The following MYO3B variants were observed in gnomAD, a reference collection of about 807,000 sequenced individuals.
The protein encoded by MYO3B is myosin IIIB.
MYO3B carries 156 observed loss-of-function variants against 174.6 expected under a neutral mutation model. The observed-to-expected ratio is 0.89, with a 90% CI of 0.78 to 1.02. MYO3B has a LOEUF of 1.02. Among genes scored for constraint, MYO3B ranks in the 50% least tolerant of loss-of-function variants. The pLI, the probability that MYO3B is intolerant of heterozygous loss-of-function variation, is 0.00. For synonymous variants in MYO3B, 563 were observed against 569.1 expected (o/e 0.99, Z 0.15); for missense variants, 1,632 against 1,639.4 (o/e 1.00, Z 0.08).
intron 23 of MYO3B, 138 bp downstream of exon 23, chr2:170,444,184 T>A (rs1192948302): frequency 1.7e-6 from 1 of 576,794 alleles, no homozygotes; most frequent in East Asian, 3.0e-5. Flanking sequence ...TAAAGGCATT[T>A]AGGAAATCAG....
chr2:170,480,037 G>T (rs2106007991), intron 25 of MYO3B, among the ~76,000 whole-genome samples: 1 of 118,342 alleles, frequency 8.5e-6, no homozygotes, highest in East Asian at 2.0e-4. Flanking sequence ...ATATGTGTGT[G>T]TGTGTATATA....
chr2:170,215,787 C>T (rs1027429484), intron 5 of MYO3B, among the ~76,000 whole-genome samples: 7 of 152,116 alleles, frequency 4.6e-5, no homozygotes, highest in African/African-American at 1.7e-4. Context: ...CAATAATATG[C>T]TGTGTGTATG....
chr2:170,482,680 A>G lies in MYO3B; in HGVS notation c.3015-15912A>G, dbSNP rs79530383. Among the ~76,000 whole-genome samples the G allele has an allele frequency of 8.5e-3, 1,291 of 152,388 alleles. 15 individuals carry two copies. Among genetic ancestry groups the G allele is most frequent in the African/African-American group, 0.028 (1,173 of 41,592 alleles). On this transcript the variant is annotated intron_variant, in intron 25 of 34. Coordinates refer to ENST00000408978, the MANE Select transcript of MYO3B (RefSeq NM_138995.5). ...AAAAAACTTTCTTAAAATGCCTTTT[A>G]CAATATCACTGAAAGACTCTAAGAG...
At chr2:170,554,783 C>T (rs769156366) in intron 32 of MYO3B, among the ~76,000 whole-genome samples, 1 of 152,164 alleles carries the variant, frequency 6.6e-6, no homozygotes, top group Non-Finnish European at 1.5e-5. Context: ...GTGCAGATGC[C>T]AAACAACACA....
chr2:170,434,782 T>C (rs990391747), intron 22 of MYO3B, among the ~76,000 whole-genome samples: 7 of 152,248 alleles, frequency 4.6e-5, no homozygotes, highest in Admixed American at 4.6e-4. Flanking sequence ...CACTTCAGCC[T>C]CCTAAGTAGC....
chr2:170,383,335 G>C, intron 11 of MYO3B, 146 bp downstream of exon 11: 1 of 616,184 alleles, frequency 1.6e-6, no homozygotes. Flanking sequence ...AATACAAATG[G>C]AATTTTTACA....
intron 6 of MYO3B, among the ~76,000 whole-genome samples, chr2:170,231,464 A>C (rs552919654): frequency 2.0e-5 from 3 of 152,324 alleles, no homozygotes; most frequent in African/African-American, 7.2e-5. Flanking sequence ...TTGGGCACTA[A>C]AGCTGCCAGT....
In MYO3B at chr2:170,378,972, C is replaced by T. The variant is rs1448034864; in HGVS notation, c.972-3044C>T. On this transcript the variant is annotated intron_variant, in intron 9 of 34. Coordinates refer to ENST00000408978, the MANE Select transcript of MYO3B (RefSeq NM_138995.5). ...TTTACTTCTCAGAGTCTTAAGATAG[C>T]TGCTCCATGCATTCTGACAAGGGTA... 3.3e-5 allele frequency among the ~76,000 whole-genome samples: 5 copies of T among 152,318 alleles called. No individual in the cohort carries two copies. In the East Asian group the frequency reaches 9.6e-4, roughly 29 times the overall value.
intron 25 of MYO3B, among the ~76,000 whole-genome samples, chr2:170,495,804 A>C (rs975186505): frequency 1.3e-5 from 2 of 152,250 alleles, no homozygotes; most frequent in African/African-American, 4.8e-5. Context: ...AAAGTATAGG[A>C]AATCCTGATT....
intron 3 of MYO3B, among the ~76,000 whole-genome samples, chr2:170,211,510 C>T (rs1033781436): frequency 2.6e-5 from 4 of 151,878 alleles, no homozygotes; most frequent in African/African-American, 7.3e-5. Context: ...TGAGCGTATG[C>T]GGTATTTTCG....
chr2:170,536,653 T>C (rs917059952), intron 30 of MYO3B, among the ~76,000 whole-genome samples: 1 of 152,228 alleles, frequency 6.6e-6, no homozygotes, highest in African/African-American at 2.4e-5. Flanking sequence ...TTTTCCTCTT[T>C]AGAAATCAAG....
rs55790344 is a variant in MYO3B, at chr2:170,370,624, TACACACACACACACACAC to T, written c.971+1281_971+1298del. Among the ~76,000 whole-genome samples, 458 of 129,502 alleles carry T rather than the reference TACACACACACACACACAC, an allele frequency of 3.5e-3. 1 individual carries two copies. Among genetic ancestry groups the T allele is most frequent in the South Asian group, 8.6e-3 (31 of 3,588 alleles). The allele number at this position is 129,502 out of a possible 152,430, so 85.0% of individuals were successfully genotyped here. A position where few individuals can be genotyped will look rare whatever the true frequency, so the allele number is the denominator to read the frequency against. ...CCAGCCACCACCCCTACCACCCACC[TACACACACACACACACAC>T]ACACACACACACACACACACACACA... On this transcript the variant is annotated intron_variant, in intron 9 of 34. Transcript: ENST00000408978.
chr2:170,235,096 C>T (rs1280391499), intron 6 of MYO3B, among the ~76,000 whole-genome samples: 1 of 152,164 alleles, frequency 6.6e-6, no homozygotes, highest in Non-Finnish European at 1.5e-5. Flanking sequence ...CCTGTGCTCA[C>T]CATTATAGGT....
intron 7 of MYO3B, among the ~76,000 whole-genome samples, chr2:170,311,161 T>C (rs1290537209): frequency 6.6e-6 from 1 of 152,144 alleles, no homozygotes; most frequent in Non-Finnish European, 1.5e-5. Context: ...TGCTGGGCGA[T>C]TCTGTGTTTT....
intron 32 of MYO3B, among the ~76,000 whole-genome samples, chr2:170,649,466 AT>A (rs112249026): frequency 1.5e-5 from 2 of 131,550 alleles, no homozygotes; most frequent in African/African-American, 5.8e-5. Context: ...TATAATACAT[AT>A]TTTTTTCATC....
chr2:170,377,959 C>A (rs1379974545), intron 9 of MYO3B, among the ~76,000 whole-genome samples: 1 of 151,982 alleles, frequency 6.6e-6, no homozygotes, highest in East Asian at 1.9e-4. Context: ...ACGAGGAATT[C>A]TTCAGCAAAA....
chr2:170,400,075 A>C, intron 16 of MYO3B, 113 bp from the exon 17 acceptor site: 2 of 1,398,658 alleles, frequency 1.4e-6, no homozygotes, highest in Non-Finnish European at 2.0e-6. Context: ...TGTGTCCAGG[A>C]AAAGAGGGAG....
At chr2:170,525,594 A>G (rs1688947139) in intron 30 of MYO3B, among the ~76,000 whole-genome samples, 1 of 152,176 alleles carries the variant, frequency 6.6e-6, no homozygotes, top group Non-Finnish European at 1.5e-5. Flanking sequence ...CTGCTTCGTT[A>G]TGGGCCCTTC....
chr2:170,244,838 G>A (rs2093172180), intron 7 of MYO3B, among the ~76,000 whole-genome samples: 1 of 152,150 alleles, frequency 6.6e-6, no homozygotes, highest in South Asian at 2.1e-4. Context: ...TAATATATTT[G>A]TATCTTTGGC....
Sources: gnomAD v4.1 joint callset for allele counts (sites outside exome capture counted in the v4.1 genomes callset) on GRCh38, gnomAD v4.1.1 for gene constraint, MANE v1.5 for transcripts, NCBI Gene and HGNC (gene_info 2026-07-23, HGNC 2026-07-21) for gene names.